Variants in SCN3A observed in about 807,000 individuals in gnomAD.
SCN3A encodes sodium channel protein type 3 subunit alpha.
Under a neutral mutation model 187.6 loss-of-function variants are expected in SCN3A, and 60 were observed. That is an observed-to-expected ratio of 0.32 (90% CI 0.26 to 0.40). SCN3A has a LOEUF of 0.40. Ranked by LOEUF, SCN3A falls within the 10% of genes least tolerant of loss-of-function variation. SCN3A has a pLI of 1.00. For synonymous variants in SCN3A, 788 were observed against 829.2 expected (o/e 0.95, Z 0.85); for missense variants, 1,601 against 2,428.2 (o/e 0.66, Z 7.16).
At chr2:165,189,643 G>C (rs935773337) in intron 1 of SCN3A, among the ~76,000 whole-genome samples, 1 of 151,984 alleles carries the variant, frequency 6.6e-6, no homozygotes, top group Non-Finnish European at 1.5e-5. Flanking sequence ...TGTTATTAAT[G>C]CTTATGCTAA....
At chr2:165,202,977 T>C (rs984287041) in intron 1 of SCN3A, among the ~76,000 whole-genome samples, 3 of 152,042 alleles carry the variant, frequency 2.0e-5, no homozygotes, top group African/African-American at 7.2e-5. Context: ...ATGGTTATGA[T>C]ATAGAATATT....
At chr2:165,128,127 A>G (rs763754480) in intron 17 of SCN3A, 26 bp from the exon 18 acceptor site, 9 of 1,541,206 alleles carry the variant, frequency 5.8e-6, no homozygotes, top group Middle Eastern at 1.8e-4. Context: ...AAAAATGTCT[A>G]TTTTAATATT....
chr2:165,119,381 T>C (rs1411989584), intron 18 of SCN3A, among the ~76,000 whole-genome samples: 1 of 152,224 alleles, frequency 6.6e-6, no homozygotes, highest in Admixed American at 6.5e-5. Context: ...ATCACCTTCT[T>C]ATTAAATTAC....
At chr2:165,143,139 T>C (rs746433784) in intron 12 of SCN3A, among the ~76,000 whole-genome samples, 10 of 152,160 alleles carry the variant, frequency 6.6e-5, no homozygotes, top group Non-Finnish European at 1.2e-4. Flanking sequence ...TTTTGGAATA[T>C]GGATTCAGGA....
At chr2:165,126,028 G>T (rs893610316) in intron 18 of SCN3A, among the ~76,000 whole-genome samples, 2 of 152,008 alleles carry the variant, frequency 1.3e-5, no homozygotes, top group African/African-American at 4.8e-5. Flanking sequence ...AAATAGTCAG[G>T]AAGCTATGAG....
chr2:165,150,617 A>T (rs1443351018), intron 11 of SCN3A, among the ~76,000 whole-genome samples: 2 of 152,328 alleles, frequency 1.3e-5, no homozygotes, highest in East Asian at 3.9e-4. Context: ...AATAGAACTG[A>T]TGTTTTTTAG....
intron 18 of SCN3A, among the ~76,000 whole-genome samples, chr2:165,124,406 G>A (rs1176164651): frequency 1.3e-5 from 2 of 152,004 alleles, no homozygotes; most frequent in Non-Finnish European, 2.9e-5. Context: ...AAATTCTATC[G>A]TATTAATCTA....
At chr2:165,139,770 T>TAAAAAAAAA in intron 13 of SCN3A, 162 bp from the exon 14 acceptor site, 1 of 795,198 alleles carries the variant, frequency 1.3e-6, no homozygotes, top group Non-Finnish European at 1.9e-6. Context: ...GTTTTTTTTT[T>TAAAAAAAAA]AAAAAAAAGT....
chr2:165,092,465 G>T lies in SCN3A; in HGVS notation c.4596C>A (p.Ile1532=). The change falls in exon 27 of 28, where the codon ATC becomes ATA. Residue 1532 remains isoleucine (I), a synonymous_variant. Coordinates refer to ENST00000283254, the MANE Select transcript of SCN3A (RefSeq NM_006922.4). This position sits in a 1 kb window ranked among gnomAD's most constrained non-coding sequence, Gnocchi z 4.2. ...CCATGTTGAGGCAGATGAGGATCAT[G>T]ATGCTGATATCAAAGACTTGTCTGG... The part of the protein sequence containing the change: ...FVTRQVFDIS[I]MILICLNMVT... The T allele has an allele frequency of 6.2e-7, 1 of 1,613,886 alleles. No homozygotes were observed.
chr2:165,162,449 A>C, intron 8 of SCN3A, 78 bp from the exon 9 acceptor site: 1 of 1,592,890 alleles, frequency 6.3e-7, no homozygotes, highest in Non-Finnish European at 8.6e-7. Flanking sequence ...TCAGAGTTGG[A>C]CTATTTCAGT....
At chr2:165,116,887 A>G (rs1177655516) in intron 18 of SCN3A, among the ~76,000 whole-genome samples, 2 of 151,620 alleles carry the variant, frequency 1.3e-5, no homozygotes, top group Admixed American at 6.6e-5. Context: ...AGTATGGTAA[A>G]TAGAGAAGCT....
chr2:165,161,879 C>T (rs1470522014), intron 9 of SCN3A, among the ~76,000 whole-genome samples: 3 of 152,196 alleles, frequency 2.0e-5, no homozygotes, highest in Non-Finnish European at 4.4e-5. Context: ...AGCACTTCCC[C>T]AAGTGTGCTT....
In SCN3A at chr2:165,186,289, C is replaced by A. The variant is rs571084072; in HGVS notation, c.-51+262G>T. On this transcript the variant is annotated intron_variant, in intron 2 of 27. Coordinates refer to ENST00000283254, the MANE Select transcript of SCN3A (RefSeq NM_006922.4). ...TGTCTCAAAACAACAACAACAACAACAAAAAAACAAAAACAAAAAAAAAAC... is the reference window on the plus strand; with the variant it reads ...TGTCTCAAAACAACAACAACAACAAAAAAAAAACAAAAACAAAAAAAAAAC... Among the ~76,000 whole-genome samples, 613 of 151,126 alleles carry A rather than the reference C, an allele frequency of 4.1e-3. 2 individuals carry two copies. Among genetic ancestry groups the A allele is most frequent in the African/African-American group, 0.013 (523 of 41,168 alleles).
intron 7 of SCN3A, 122 bp downstream of exon 7, chr2:165,163,496 A>G (rs1689537170): frequency 8.7e-7 from 1 of 1,153,750 alleles, no homozygotes; most frequent in Non-Finnish European, 1.3e-6. Flanking sequence ...TTGAAACATC[A>G]TTTGGCATTA....
rs989008900 is a variant in SCN3A, at chr2:165,178,476, C to T, written c.-50-2032G>A. On this transcript the variant is annotated intron_variant, in intron 2 of 27. Coordinates refer to ENST00000283254, the MANE Select transcript of SCN3A (RefSeq NM_006922.4). ...AACGCTTGGGCTCAAGCCATCCGCC[C>T]GCCTCGGCCTCCCAAAGTGCTAGGA... 6.6e-5 allele frequency among the ~76,000 whole-genome samples: 10 copies of T among 152,166 alleles called. No homozygotes were observed. The South Asian group carries it at 1.4e-3, about 22-fold the overall frequency.
At position 165,092,640 on chromosome 2, in the gene SCN3A, TA is replaced by T; in HGVS notation, c.4537-117del. 1 of 915,376 alleles carries T rather than the reference TA, an allele frequency of 1.1e-6. No individual in the cohort carries two copies. Among genetic ancestry groups the T allele is most frequent in the East Asian group, 2.6e-5 (1 of 38,182 alleles). 56.7% of individuals were successfully genotyped at this position (915,376 alleles called of 1,614,324 possible). On this transcript the variant is annotated intron_variant, in intron 26 of 27. Transcript: ENST00000283254. This position sits in a 1 kb window ranked among gnomAD's most constrained non-coding sequence, Gnocchi z 4.2. The stretch of plus-strand genomic sequence containing the variant: ...GGATGGATGTGCACCCTCCTCATAT[TA>T]CCCCAAACAATTTTGTGTGCTTTTT...
chr2:165,176,035 A>G, intron 3 of SCN3A, 96 bp downstream of exon 3: 1 of 1,146,440 alleles, frequency 8.7e-7, no homozygotes, highest in South Asian at 1.4e-5. Context: ...TCTTTAACAG[A>G]AGAAAAATTG....
rs369716569 is a variant in SCN3A, at chr2:165,163,824, C to T, written c.603-115G>A. On this transcript the variant is annotated intron_variant, in intron 6 of 27. Coordinates refer to ENST00000283254, the MANE Select transcript of SCN3A (RefSeq NM_006922.4). ...TACCTGGAATTACAGAAATAGTTTTCAGAGCTCTCAAGACTCTGAAAGTTC... is the reference window on the plus strand; with the variant it reads ...TACCTGGAATTACAGAAATAGTTTTTAGAGCTCTCAAGACTCTGAAAGTTC... The T allele has an allele frequency of 9.2e-5, 149 of 1,613,728 alleles. No individual in the cohort carries two copies. Among genetic ancestry groups the T allele is most frequent in the Non-Finnish European group, 1.2e-4 (144 of 1,179,874 alleles).
chr2:165,103,485 A>G (rs1205695240), intron 21 of SCN3A, among the ~76,000 whole-genome samples: 3 of 152,220 alleles, frequency 2.0e-5, no homozygotes, highest in Non-Finnish European at 2.9e-5. Context: ...TGTGCAAAGT[A>G]TGAGATACCC....
Sources: allele counts gnomAD v4.1 joint callset (sites outside exome capture counted in the v4.1 genomes callset), GRCh38; gene constraint gnomAD v4.1.1; non-coding constraint Gnocchi (gnomAD v3.1); transcripts MANE v1.5; gene names NCBI Gene and HGNC (gene_info 2026-07-23, HGNC 2026-07-21).